Variants in PLB1 observed in about 807,000 individuals in gnomAD.
PLB1 encodes the protein phospholipase B1, also known as phospholipase B1, membrane-associated.
In PLB1, 242 loss-of-function variants were observed where a neutral mutation model predicts 227.4. The observed-to-expected ratio is 1.06, with a 90% CI of 0.96 to 1.18. PLB1 has a LOEUF of 1.18. Among genes scored for constraint, PLB1 ranks in the 50% most tolerant of loss-of-function variants. PLB1 has a pLI of 0.00. For synonymous variants in PLB1, 757 were observed against 682.2 expected (o/e 1.11, Z -1.71); for missense variants, 1,858 against 1,816.3 (o/e 1.02, Z -0.42).
At chr2:28,572,417 T>C (rs1273198376) in intron 20 of PLB1, among the ~76,000 whole-genome samples, 10 of 152,128 alleles carry the variant, frequency 6.6e-5, no homozygotes, top group Admixed American at 5.9e-4. Flanking sequence ...TAGATACATA[T>C]CCAAGGGAAA....
At chr2:28,581,495 AAATAAATAAAT>A (rs1324474195) in intron 23 of PLB1, among the ~76,000 whole-genome samples, 5 of 40,396 alleles carry the variant, frequency 1.2e-4, no homozygotes, top group African/African-American at 5.1e-4. Flanking sequence ...AAAAATAAAT[AAATAAATAAAT>A]AAATAAATAA....
intron 45 of PLB1, among the ~76,000 whole-genome samples, 162 bp downstream of exon 45, chr2:28,617,949 GTGGAGGTGCACAGAGCTCTCCAT>G (rs1288684697): frequency 5.9e-5 from 9 of 152,228 alleles, no homozygotes; most frequent in African/African-American, 1.9e-4. Flanking sequence ...GGGCTTCCAT[GTGGAGGTGCACAGAGCTCTCCAT>G]TGGATGCTAC....
intron 45 of PLB1, 31 bp from the exon 46 acceptor site, chr2:28,618,310 C>A (rs1300128787): frequency 6.2e-7 from 1 of 1,608,676 alleles, no homozygotes; most frequent in South Asian, 1.1e-5. Flanking sequence ...CCCCCAGCCC[C>A]CACAACCACC....
intron 45 of PLB1, 63 bp downstream of exon 45, chr2:28,617,850 G>A: frequency 6.7e-7 from 1 of 1,495,212 alleles, no homozygotes; most frequent in South Asian, 1.1e-5. Context: ...GTTGTGGGGA[G>A]ACCCTGCAAA....
At chr2:28,633,482 G>A in intron 56 of PLB1, 1 of 159,338 alleles carries the variant, frequency 6.3e-6, no homozygotes, top group Non-Finnish European at 1.4e-5. Context: ...ACAATAGTTA[G>A]CACTCAGCAA....
intron 9 of PLB1, among the ~76,000 whole-genome samples, chr2:28,535,273 A>C (rs1434507905): frequency 1.3e-5 from 2 of 152,182 alleles, no homozygotes; most frequent in Non-Finnish European, 2.9e-5. Flanking sequence ...GCTAGCTTCC[A>C]CTCAAATTCC....
chr2:28,620,657 C>T lies in PLB1; in HGVS notation c.3427+14C>T, dbSNP rs1395556852. The T allele has an allele frequency of 1.2e-6, 2 of 1,613,810 alleles. No individual in the cohort carries two copies. Among genetic ancestry groups the T allele is most frequent in the Non-Finnish European group, 1.7e-6 (2 of 1,179,910 alleles). ...CCACACTGCCCAGTAAGTAGCAGCC[C>T]AGAGAGGCACCATCACTGTGGCCGT... On this transcript the variant is annotated intron_variant, in intron 48 of 57. Transcript: ENST00000327757.
At chr2:28,500,831 T>C (rs536842921) in intron 1 of PLB1, among the ~76,000 whole-genome samples, 2 of 152,334 alleles carry the variant, frequency 1.3e-5, no homozygotes, top group South Asian at 4.1e-4. Flanking sequence ...TTATTTTTCA[T>C]TTTGATGCCA....
At chr2:28,547,839 TAAC>T (rs1445809024) in intron 14 of PLB1, among the ~76,000 whole-genome samples, 1 of 107,488 alleles carries the variant, frequency 9.3e-6, no homozygotes, top group Non-Finnish European at 1.9e-5. Flanking sequence ...CATTTAAAAA[TAAC>T]AAAAACAACT....
chr2:28,627,764 G>A (rs185699069), intron 51 of PLB1, among the ~76,000 whole-genome samples: 3 of 152,264 alleles, frequency 2.0e-5, no homozygotes, highest in Admixed American at 6.5e-5. Flanking sequence ...ATAATGGGCT[G>A]CCTGAGCTCT....
At chr2:28,609,376 A>G (rs1685124361) in intron 43 of PLB1, among the ~76,000 whole-genome samples, 1 of 152,000 alleles carries the variant, frequency 6.6e-6, no homozygotes, top group Non-Finnish European at 1.5e-5. Flanking sequence ...CTGACCTTTA[A>G]AATACATTTC....
intron 47 of PLB1, 96 bp downstream of exon 47, chr2:28,620,428 T>G (rs1452815778): frequency 1.1e-5 from 15 of 1,359,124 alleles, no homozygotes; most frequent in African/African-American, 1.5e-5. Context: ...TGCAGTTGGG[T>G]CCCCAGGTCC....
At chr2:28,578,321 G>C (rs1409590150) in intron 22 of PLB1, among the ~76,000 whole-genome samples, 163 bp downstream of exon 22, 1 of 152,236 alleles carries the variant, frequency 6.6e-6, no homozygotes, top group Non-Finnish European at 1.5e-5. Flanking sequence ...TGTTCAGTCA[G>C]TTGGCTGTTG....
chr2:28,541,532 T>G (rs1672481579), intron 12 of PLB1, among the ~76,000 whole-genome samples, 175 bp from the exon 13 acceptor site: 1 of 152,216 alleles, frequency 6.6e-6, no homozygotes, highest in Non-Finnish European at 1.5e-5. Flanking sequence ...AAAACTCAGC[T>G]TAGCTATCAA....
chr2:28,574,848 C>A (rs1203081198), intron 21 of PLB1, among the ~76,000 whole-genome samples: 1 of 152,150 alleles, frequency 6.6e-6, no homozygotes, highest in East Asian at 1.9e-4. Flanking sequence ...GACATTATTT[C>A]ATTCCTTTTT....
At chr2:28,598,125 A>T in intron 34 of PLB1, 77 bp downstream of exon 34, 3 of 1,274,230 alleles carry the variant, frequency 2.4e-6, no homozygotes, top group Non-Finnish European at 3.3e-6. Flanking sequence ...AGTGCCTCCC[A>T]GGTAAGCAGC....
rs949127924 is a variant in PLB1, at chr2:28,551,604, A to G, written c.1084-1324A>G. On this transcript the variant is annotated intron_variant, in intron 16 of 57. Transcript: ENST00000327757. The stretch of plus-strand genomic sequence containing the variant: ...AGCAATGAGCATACACCTGAGACGC[A>G]GCATGGCACAGTGAGGTAAAGTAAC... Among the ~76,000 whole-genome samples the G allele has an allele frequency of 5.9e-5, 9 of 152,336 alleles. 1 individual carries two copies. The Middle Eastern group carries it at 0.01, about 173-fold the overall frequency.
At position 28,578,161 on chromosome 2, in the gene PLB1, G is replaced by A; in HGVS notation, c.1485+3G>A. 1 of 1,613,904 alleles carries A rather than the reference G, an allele frequency of 6.2e-7. No individual in the cohort carries two copies. The highest frequency in any genetic ancestry group is 8.5e-7 in the Non-Finnish European group (1 of 1,179,812). ...TGGACCTGATGAAGAATGACACGGT[G>A]GGTCCCTGGGATGGGAAGTAGGCAG... On this transcript the variant is annotated splice_donor_region_variant and intron_variant, in intron 22 of 57. Coordinates refer to ENST00000327757, the MANE Select transcript of PLB1 (RefSeq NM_153021.5).
chr2:28,525,476 C>T (rs1013382272), intron 5 of PLB1, among the ~76,000 whole-genome samples, 169 bp downstream of exon 5: 1 of 152,160 alleles, frequency 6.6e-6, no homozygotes, highest in Non-Finnish European at 1.5e-5. Flanking sequence ...CCTCCTGCCT[C>T]CTTGTCTAAC....
Sources: allele counts gnomAD v4.1 joint callset (sites outside exome capture counted in the v4.1 genomes callset), GRCh38; gene constraint gnomAD v4.1.1; transcripts MANE v1.5; gene names NCBI Gene and HGNC (gene_info 2026-07-23, HGNC 2026-07-21).